Variants in ARHGEF40 observed in about 807,000 individuals in gnomAD.
ARHGEF40 encodes the protein Rho guanine nucleotide exchange factor 40.
A neutral mutation model predicts 165.9 loss-of-function variants in ARHGEF40; 98 were observed. The observed-to-expected ratio is 0.59, with a 90% CI of 0.50 to 0.70. The LOEUF (loss-of-function observed/expected upper bound fraction) is 0.70. ARHGEF40 is among the 30% of genes least tolerant of loss of function. The probability of loss-of-function intolerance (pLI) is 0.00; values close to 1 mark genes in which losing one functional copy is unlikely to be tolerated. For synonymous variants in ARHGEF40, 792 were observed against 814.3 expected (o/e 0.97, Z 0.47); for missense variants, 1,815 against 1,968.0 (o/e 0.92, Z 1.47).
At position 21,081,759 on chromosome 14, in the gene ARHGEF40, G is replaced by A. The variant is rs1377015574; in HGVS notation, c.2891G>A (p.Gly964Asp). 2 of 1,588,196 alleles carry A rather than the reference G, an allele frequency of 1.3e-6. No homozygotes were observed. Among genetic ancestry groups the A allele is most frequent in the East Asian group, 4.6e-5 (2 of 43,394 alleles). Residue 964 changes from glycine (G) to aspartate (D), a missense_variant, in exon 14 of 24, where the codon GGC becomes GAC. Gly to Asp is a moderately conservative substitution (Grantham distance 94). Transcript: ENST00000298694. ...GTGGGAGAGGAGGCGAGCCCACGGGGCTACCGACGACGGCGGGCAGACGGT... is the reference window on the plus strand; with the variant it reads ...GTGGGAGAGGAGGCGAGCCCACGGGACTACCGACGACGGCGGGCAGACGGT... ...QHVGEEASPRGYRRRRADGAS... is the reference protein window; with the variant it reads ...QHVGEEASPRDYRRRRADGAS...
At chr14:21,069,624 G>A (rs1029731246), upstream of ARHGEF40, among the ~76,000 whole-genome samples, 3 of 152,154 alleles carry the variant, frequency 2.0e-5, no homozygotes, top group Admixed American at 1.3e-4. Flanking sequence ...CCTAACTCCC[G>A]CACACTCCCG....
chr14:21,074,432 T>C lies in ARHGEF40; in HGVS notation c.702T>C (p.Pro234=), dbSNP rs755352529. Residue 234 remains proline, a synonymous_variant, in exon 3 of 24, where the codon CCT becomes CCC. Coordinates refer to ENST00000298694, the MANE Select transcript of ARHGEF40 (RefSeq NM_018071.5). The surrounding 1 kb of genome is among the most constrained non-coding windows in gnomAD (Gnocchi z 4.8). The part of the protein sequence containing the change: ...TRSPGDGHNA[P]VEGPEGEYVE... ...GTCCTGGGGATGGGCACAATGCCCC[T>C]GTGGAAGGACCTGAGGGCGAGTATG... 1 of 1,607,452 alleles carries C rather than the reference T, an allele frequency of 6.2e-7. No homozygotes were observed. The highest frequency in any genetic ancestry group is 8.5e-7 in the Non-Finnish European group (1 of 1,177,340).
the ARHGEF40 span, among the ~76,000 whole-genome samples, chr14:21,061,368 G>T: frequency 4.6e-5 from 7 of 152,194 alleles, no homozygotes; most frequent in Non-Finnish European, 8.8e-5. Context: ...AAACAAGTGG[G>T]GGTAGCAACC....
In ARHGEF40 at chr14:21,078,759, C is replaced by CAAA. The variant is rs1887637591; in HGVS notation, c.2247-124_2247-123insAAA. On this transcript the variant is annotated intron_variant, in intron 10 of 23. Transcript: ENST00000298694. Reference sequence around the variant, plus strand: ...GATTCAAACCAAAGCAGTCAGGGTTCAGCCCATGCTTTTGATCCATGCTGC... The same window carrying CAAA: ...GATTCAAACCAAAGCAGTCAGGGTTCAAAAGCCCATGCTTTTGATCCATGCTGC... 7.2e-6 allele frequency: 10 copies of CAAA among 1,385,494 alleles called. No individual in the cohort carries two copies. In the South Asian group the frequency reaches 9.7e-5, roughly 13 times the overall value. The allele number at this position is 1,385,494 out of a possible 1,614,324, so 85.8% of individuals were successfully genotyped here. A position where few individuals can be genotyped will look rare whatever the true frequency, so the allele number is the denominator to read the frequency against.
chr14:21,076,713 C>T (rs1887456160), intron 7 of ARHGEF40, 61 bp from the exon 8 acceptor site: 1 of 1,609,696 alleles, frequency 6.2e-7, no homozygotes, highest in Admixed American at 1.7e-5. Context: ...GGCTGGAGCC[C>T]CAGGCTGGTT....
At chr14:21,077,639 C>T (rs1325756359) in intron 8 of ARHGEF40, among the ~76,000 whole-genome samples, 13 of 152,168 alleles carry the variant, frequency 8.5e-5, no homozygotes, top group Admixed American at 8.5e-4. Flanking sequence ...GGATCCTCAT[C>T]AGCGCAGTAT....
Position 21,080,970 on chromosome 14 carries a change from A to T in ARHGEF40, c.2594A>T (p.Glu865Val). The change falls in exon 13 of 24, where the codon GAG becomes GTG. Residue 865 changes from glutamate to valine, a missense_variant. Physicochemically the swap from Glu to Val is moderately radical, Grantham distance 121 (BLOSUM62 -2). Transcript: ENST00000298694. ...TTTGAACAGCGGCTGGAGCAGGTTGAGAGTGGCCTCCATCGGGCCCTGCGG... is the reference window on the plus strand; with the variant it reads ...TTTGAACAGCGGCTGGAGCAGGTTGTGAGTGGCCTCCATCGGGCCCTGCGG... ...DIFEQRLEQV[E>V]SGLHRALRLQ... The T allele has an allele frequency of 6.2e-7, 1 of 1,614,200 alleles. No individual in the cohort carries two copies. The highest frequency in any genetic ancestry group is 8.5e-7 in the Non-Finnish European group (1 of 1,180,018).
Position 21,075,132 on chromosome 14 carries a change from G to A in ARHGEF40, c.1402G>A (p.Gly468Arg). 6.2e-7 allele frequency: 1 copy of A among 1,612,486 alleles called. No homozygotes were observed. The highest frequency in any genetic ancestry group is 8.5e-7 in the Non-Finnish European group (1 of 1,179,630). ...TGAAGCCTGTGGGCCTACAGAAGAG[G>A]GGGCCGGAGAGAGAGAGCTGGAGGG... ...LSEACGPTEEGAGERELEGPG... is the reference protein window; with the variant it reads ...LSEACGPTEERAGERELEGPG... The change falls in exon 3 of 24, where the codon GGG becomes AGG. Residue 468 changes from glycine (G) to arginine (R), a missense_variant. Gly to Arg is a moderately radical substitution (Grantham distance 125). Coordinates refer to ENST00000298694, the MANE Select transcript of ARHGEF40 (RefSeq NM_018071.5). The surrounding 1 kb of genome is among the most constrained non-coding windows in gnomAD (Gnocchi z 4.5).
At chr14:21,081,258 C>T (rs1005665638) in intron 13 of ARHGEF40, 2 of 787,140 alleles carry the variant, frequency 2.5e-6, no homozygotes, top group East Asian at 5.4e-5. Context: ...TACATAAAAG[C>T]CCTTAGCACA....
chr14:21,068,829 G>A (rs1156915417), upstream of ARHGEF40, among the ~76,000 whole-genome samples: 1 of 152,226 alleles, frequency 6.6e-6, no homozygotes, highest in Non-Finnish European at 1.5e-5. Context: ...TAAGAAGGAT[G>A]AACACTTGCT....
chr14:21,082,170 G>A (rs1887975898), intron 14 of ARHGEF40, 51 bp downstream of exon 14: 2 of 1,565,200 alleles, frequency 1.3e-6, no homozygotes, highest in Non-Finnish European at 1.7e-6. Flanking sequence ...CTGCCCAGTA[G>A]GAAAAGAAGA....
chr14:21,076,808 G>A lies in ARHGEF40; in HGVS notation c.1952G>A (p.Arg651Lys). 3 of 1,614,096 alleles carry A rather than the reference G, an allele frequency of 1.9e-6. No homozygotes were observed. Among genetic ancestry groups the A allele is most frequent in the South Asian group, 2.2e-5 (2 of 91,076 alleles). Reference sequence around the variant, plus strand: ...GTGCTGTCAGAGAATGATCTGAAAAGAGTGGCCAAGCCAGAGGAGCTGCAG... The same window carrying A: ...GTGCTGTCAGAGAATGATCTGAAAAAAGTGGCCAAGCCAGAGGAGCTGCAG... ...AEVLSENDLKRVAKPEELQWE... is the reference protein window; with the variant it reads ...AEVLSENDLKKVAKPEELQWE... The change falls in exon 8 of 24, where the codon AGA becomes AAA. Residue 651 changes from arginine to lysine, a missense_variant. By Grantham distance (26) the Arg-to-Lys change is conservative. Transcript: ENST00000298694.
chr14:21,081,339 A>G, intron 13 of ARHGEF40, 170 bp from the exon 14 acceptor site: 2 of 993,862 alleles, frequency 2.0e-6, no homozygotes, highest in South Asian at 1.6e-5. Context: ...TCTCCATACC[A>G]ACTCCGAGTG....
Position 21,076,779 on chromosome 14 carries a change from T to G in ARHGEF40, c.1923T>G (p.Ala641=). 6.2e-7 allele frequency: 1 copy of G among 1,614,040 alleles called. No homozygotes were observed. Among genetic ancestry groups the G allele is most frequent in the Non-Finnish European group, 8.5e-7 (1 of 1,179,914 alleles). Reference sequence around the variant, plus strand: ...CCCTGCCTTACCCTCTACAGGGTGCTGAGGTGCTGTCAGAGAATGATCTGA... The same window carrying G: ...CCCTGCCTTACCCTCTACAGGGTGCGGAGGTGCTGTCAGAGAATGATCTGA... The part of the protein sequence containing the change: ...LPTELCGFQG[A]EVLSENDLKR... The change falls in exon 8 of 24, where the codon GCT becomes GCG. Residue 641 remains alanine, a synonymous_variant. Transcript: ENST00000298694.
At position 21,078,287 on chromosome 14, in the gene ARHGEF40, G is replaced by C. The variant is rs999632715; in HGVS notation, c.2130+15G>C. 5.0e-6 allele frequency: 8 copies of C among 1,612,068 alleles called. No homozygotes were observed. Among genetic ancestry groups the C allele is most frequent in the Middle Eastern group, 1.7e-4 (1 of 6,042 alleles). On this transcript the variant is annotated intron_variant, in intron 9 of 23. Coordinates refer to ENST00000298694, the MANE Select transcript of ARHGEF40 (RefSeq NM_018071.5). ...CAGAGGAAGAGGTATGAAATGAGAT[G>C]GGACAGTGGGGGGATGGGATTGGGA... is the stretch of plus-strand genomic sequence containing the variant.
In ARHGEF40 at chr14:21,075,351, C is replaced by T; in HGVS notation, c.1470C>T (p.Gly490=). ...GTGCAGGACACACAGGCCCAGAAGGCCCCCTGTCTGACACTCCAACACCTC... is the reference window on the plus strand; with the variant it reads ...GTGCAGGACACACAGGCCCAGAAGGTCCCCTGTCTGACACTCCAACACCTC... ...LCMAGHTGPE[G]PLSDTPTPPL... Residue 490 remains glycine (G), a synonymous_variant, in exon 4 of 24, where the codon GGC becomes GGT. Coordinates refer to ENST00000298694, the MANE Select transcript of ARHGEF40 (RefSeq NM_018071.5). The surrounding 1 kb of genome is among the most constrained non-coding windows in gnomAD (Gnocchi z 4.5). The T allele has an allele frequency of 6.2e-7, 1 of 1,614,040 alleles. No individual in the cohort carries two copies. Among genetic ancestry groups the T allele is most frequent in the Non-Finnish European group, 8.5e-7 (1 of 1,180,030 alleles).
Position 21,074,398 on chromosome 14 carries a change from G to A in ARHGEF40, c.668G>A (p.Gly223Asp). The A allele has an allele frequency of 1.2e-6, 2 of 1,612,786 alleles. No homozygotes were observed. Among genetic ancestry groups the A allele is most frequent in the Non-Finnish European group, 1.7e-6 (2 of 1,179,576 alleles). ...CCTCCACTTCCTGAGGAGGCGCTGG[G>A]TACCCGGAGTCCTGGGGATGGGCAC... is the stretch of plus-strand genomic sequence containing the variant. ...PSPPLPEEAL[G>D]TRSPGDGHNA... The change falls in exon 3 of 24, where the codon GGT (glycine) becomes GAT (aspartate). Residue 223 changes from glycine (G) to aspartate (D), a missense_variant. Gly to Asp is a moderately conservative substitution (Grantham distance 94). Transcript: ENST00000298694. The surrounding 1 kb of genome is among the most constrained non-coding windows in gnomAD (Gnocchi z 4.8).
the ARHGEF40 span, among the ~76,000 whole-genome samples, chr14:21,062,285 T>C: frequency 6.6e-6 from 1 of 152,230 alleles, no homozygotes; most frequent in Non-Finnish European, 1.5e-5. Flanking sequence ...TGATTATATT[T>C]TCCGGTGTTA....
chr14:21,087,421 G>A lies in ARHGEF40; in HGVS notation c.4345G>A (p.Glu1449Lys), dbSNP rs767264549. The change falls in exon 21 of 24, where the codon GAG becomes AAG. Residue 1449 changes from glutamate to lysine, a missense_variant. Coordinates refer to ENST00000298694, the MANE Select transcript of ARHGEF40 (RefSeq NM_018071.5). ...AGCCTGCTCCCTGCCTGCCCGCGTC[G>A]AGGAGGAGGCCTGGGATCTGGACGT... Reference protein sequence around the residue: ...PGACSLPARVEEEAWDLDVKQ... With the variant: ...PGACSLPARVKEEAWDLDVKQ... 20 of 1,601,366 alleles carry A rather than the reference G, an allele frequency of 1.2e-5. No individual in the cohort carries two copies. The highest frequency in any genetic ancestry group is 5.0e-5 in the Admixed American group (3 of 60,034).
Sources: allele counts gnomAD v4.1 joint callset (sites outside exome capture counted in the v4.1 genomes callset), GRCh38; gene constraint gnomAD v4.1.1; non-coding constraint Gnocchi (gnomAD v3.1); transcripts MANE v1.5; gene names NCBI Gene and HGNC (gene_info 2026-07-23, HGNC 2026-07-21).